Variants in RNF38 observed in about 807,000 individuals in gnomAD.
RNF38 encodes ring finger protein 38.
Under a neutral mutation model 67.2 loss-of-function variants are expected in RNF38, and 15 were observed. The ratio of observed to expected loss-of-function variants is 0.22; its 90% CI spans 0.15 to 0.34. RNF38 has a LOEUF of 0.34. Among genes scored for constraint, RNF38 ranks in the 10% least tolerant of loss-of-function variants. The probability of loss-of-function intolerance (pLI) is 1.00; values close to 1 mark genes in which losing one functional copy is unlikely to be tolerated. For missense variants in RNF38, 524 were observed against 639.9 expected, an observed-to-expected ratio of 0.82 and a Z score of 1.95; for synonymous variants, 220 against 218.8, an observed-to-expected ratio of 1.01 and a Z score of -0.05.
chr9:36,442,128 T>C (rs1024939621), intron 1 of RNF38, among the ~76,000 whole-genome samples: 1 of 152,140 alleles, frequency 6.6e-6, no homozygotes, highest in Non-Finnish European at 1.5e-5. Context: ...CCTAATCTCA[T>C]CACTACCAAC....
chr9:36,402,105 AG>A (rs2134167115), upstream of RNF38, among the ~76,000 whole-genome samples: 1 of 152,356 alleles, frequency 6.6e-6, no homozygotes, highest in East Asian at 1.9e-4. Context: ...CCAAGGCCCA[AG>A]TCTAGTGCCA....
chr9:36,436,814 T>G (rs1202094000), intron 1 of RNF38, among the ~76,000 whole-genome samples: 8 of 76,184 alleles, frequency 1.1e-4, no homozygotes, highest in Admixed American at 1.9e-4. Flanking sequence ...AGAGCGAGAC[T>G]CCTCAAAAAA....
At chr9:36,465,551 G>C (rs1036871435) in intron 1 of RNF38, among the ~76,000 whole-genome samples, 3 of 152,014 alleles carry the variant, frequency 2.0e-5, no homozygotes, top group Non-Finnish European at 2.9e-5. Flanking sequence ...CTCCATGTTG[G>C]TCAGGCTGGT....
intron 1 of RNF38, among the ~76,000 whole-genome samples, chr9:36,450,185 CTCT>C (rs1839403396): frequency 7.3e-6 from 1 of 137,818 alleles, no homozygotes; most frequent in Non-Finnish European, 1.5e-5. Flanking sequence ...ACCATCATCA[CTCT>C]ATTTCCAAAA....
chr9:36,416,126 G>C (rs901134197), intron 2 of RNF38, among the ~76,000 whole-genome samples: 69 of 150,144 alleles, frequency 4.6e-4, no homozygotes, highest in African/African-American at 1.6e-3. Flanking sequence ...CATCAAGTAA[G>C]GGCCAGGTTA....
intron 1 of RNF38, among the ~76,000 whole-genome samples, chr9:36,393,835 G>A (rs1032109888): frequency 9.2e-5 from 14 of 152,078 alleles, no homozygotes; most frequent in Admixed American, 1.3e-4. Context: ...GAAGGCATGC[G>A]AAAGGTACCA....
chr9:36,412,184 T>C (rs558742436), intron 2 of RNF38, among the ~76,000 whole-genome samples: 36 of 152,278 alleles, frequency 2.4e-4, no homozygotes, highest in Non-Finnish European at 5.1e-4. Flanking sequence ...CATGCCCACC[T>C]CTCCAAGCTC....
chr9:36,463,901 C>T (rs1381376923), intron 1 of RNF38, among the ~76,000 whole-genome samples: 1 of 152,210 alleles, frequency 6.6e-6, no homozygotes, highest in African/African-American at 2.4e-5. Flanking sequence ...GGTGCGGTGG[C>T]TCACGCCTGT....
At chr9:36,357,635 A>G (rs1834226540) in intron 5 of RNF38, 140 bp downstream of exon 5, 2 of 538,422 alleles carry the variant, frequency 3.7e-6, no homozygotes, top group Non-Finnish European at 6.3e-6. Context: ...TGAAACTACA[A>G]AGACAGTCTC....
At chr9:36,399,529 TTATAAA>T (rs1425308021) in intron 1 of RNF38, among the ~76,000 whole-genome samples, 4 of 148,082 alleles carry the variant, frequency 2.7e-5, no homozygotes, top group African/African-American at 9.8e-5. Context: ...AATAAATATA[TTATAAA>T]TATATATTTA....
chr9:36,354,935 G>A (rs1212786308), intron 6 of RNF38, among the ~76,000 whole-genome samples: 2 of 152,194 alleles, frequency 1.3e-5, no homozygotes, highest in Non-Finnish European at 2.9e-5. Flanking sequence ...TGAAAACAAA[G>A]TCTTGATATG....
intron 2 of RNF38, among the ~76,000 whole-genome samples, chr9:36,388,954 A>G (rs1016445354): frequency 1.3e-5 from 2 of 152,060 alleles, no homozygotes; most frequent in Non-Finnish European, 2.9e-5. Context: ...AACAAATTAC[A>G]CCCTTTTTTA....
intron 1 of RNF38, among the ~76,000 whole-genome samples, chr9:36,447,164 G>A (rs1839326979): frequency 6.6e-6 from 1 of 151,670 alleles, no homozygotes; most frequent in African/African-American, 2.4e-5. Context: ...TTAAGTGCTT[G>A]TGATTAAGTG....
At chr9:36,409,509 C>A (rs1422547904) in intron 2 of RNF38, among the ~76,000 whole-genome samples, 2 of 152,140 alleles carry the variant, frequency 1.3e-5, no homozygotes, top group Admixed American at 6.6e-5. Context: ...GACCAGACTG[C>A]CTGAACGTCT....
intron 2 of RNF38, among the ~76,000 whole-genome samples, chr9:36,379,843 A>G (rs1836073401): frequency 1.3e-5 from 2 of 152,204 alleles, no homozygotes; most frequent in South Asian, 4.1e-4. Flanking sequence ...TATAAAAGAC[A>G]ATCAGTCCAG....
intron 2 of RNF38, among the ~76,000 whole-genome samples, chr9:36,380,325 G>A (rs1174725420): frequency 6.6e-6 from 1 of 151,742 alleles, no homozygotes; most frequent in Non-Finnish European, 1.5e-5. Flanking sequence ...TCAGCCTCCC[G>A]AGTAGCTGGG....
chr9:36,423,760 T>C (rs1422521002), intron 2 of RNF38, among the ~76,000 whole-genome samples: 1 of 34,410 alleles, frequency 2.9e-5, no homozygotes, highest in African/African-American at 9.6e-5. Flanking sequence ...CCATCCTGGC[T>C]AACACGGTGA....
chr9:36,344,756 C>G, intron 10 of RNF38, 76 bp downstream of exon 10: 1 of 1,433,648 alleles, frequency 7.0e-7, no homozygotes, highest in East Asian at 2.3e-5. Context: ...CAACTTTTAC[C>G]TTAATGACTC....
intron 10 of RNF38, among the ~76,000 whole-genome samples, chr9:36,343,125 T>G (rs548733864): frequency 6.6e-6 from 1 of 152,348 alleles, no homozygotes; most frequent in South Asian, 2.1e-4. Flanking sequence ...TGTATTGCTC[T>G]ATTGTTATTT....
Sources: allele counts gnomAD v4.1 joint callset (sites outside exome capture counted in the v4.1 genomes callset), GRCh38; gene constraint gnomAD v4.1.1; transcripts MANE v1.5; gene names NCBI Gene and HGNC (gene_info 2026-07-23, HGNC 2026-07-21).